Variants in DRD2 observed in about 807,000 individuals in gnomAD.
The protein encoded by DRD2 is dopamine receptor D2.
In DRD2, 8 loss-of-function variants were observed where a neutral mutation model predicts 38.0. That is an observed-to-expected ratio of 0.21 (90% confidence interval 0.12 to 0.38). The LOEUF is 0.38. Among genes scored for constraint, DRD2 ranks in the 10% least tolerant of loss-of-function variants. DRD2 has a pLI of 1.00. For missense variants in DRD2, 403 were observed against 607.7 expected, an observed-to-expected ratio of 0.66 and a Z score of 3.54; for synonymous variants, 230 against 238.6, an observed-to-expected ratio of 0.96 and a Z score of 0.33.
chr11:113,452,081 G>A (rs976708333), intron 1 of DRD2, among the ~76,000 whole-genome samples: 4 of 152,034 alleles, frequency 2.6e-5, no homozygotes, highest in Non-Finnish European at 5.9e-5. Flanking sequence ...AAGCCTGCAC[G>A]CTTCTTCTTT....
At chr11:113,418,176 G>A (rs1285389150) in intron 2 of DRD2, 40 bp from the exon 3 acceptor site, 3 of 1,546,904 alleles carry the variant, frequency 1.9e-6, no homozygotes, top group East Asian at 2.2e-5. Flanking sequence ...AGCAGGAGTG[G>A]GAGATTAGCT....
Position 113,414,415 on chromosome 11 carries a change from A to G in DRD2, c.770T>C (p.Met257Thr). 1 of 1,614,196 alleles carries G rather than the reference A, an allele frequency of 6.2e-7. No homozygotes were observed. Among genetic ancestry groups the G allele is most frequent in the Non-Finnish European group, 8.5e-7 (1 of 1,180,036 alleles). The change falls in exon 6 of 8, where the codon ATG (methionine) becomes ACG (threonine). Residue 257 changes from methionine to threonine, a missense_variant. Physicochemically the swap from Met to Thr is moderately conservative, Grantham distance 81. This residue lies in a region of DRD2 where 166 missense variants were observed against 178.6 expected (regional missense o/e 0.93). Transcript: ENST00000362072. Reference sequence around the variant, plus strand: ...CACTGGGAAACTCCCATTAGACTTCATGATAACGGTGCAGAGTTTCATGTC... The same window carrying G: ...CACTGGGAAACTCCCATTAGACTTCGTGATAACGGTGCAGAGTTTCATGTC... ...PEDMKLCTVI[M>T]KSNGSFPVNR...
intron 2 of DRD2, among the ~76,000 whole-genome samples, chr11:113,418,423 C>T (rs1437576433): frequency 6.6e-6 from 1 of 152,154 alleles, no homozygotes; most frequent in East Asian, 1.9e-4. Flanking sequence ...ATCTCTGCAA[C>T]CTTTGTTAAC....
chr11:113,458,338 T>C (rs1398101366), intron 1 of DRD2, among the ~76,000 whole-genome samples: 3 of 152,146 alleles, frequency 2.0e-5, no homozygotes, highest in Admixed American at 1.3e-4. Flanking sequence ...GCATATGTAA[T>C]CTCTGACCCA....
chr11:113,437,600 C>T (rs1002080241), intron 1 of DRD2, among the ~76,000 whole-genome samples: 1 of 152,146 alleles, frequency 6.6e-6, no homozygotes, highest in Non-Finnish European at 1.5e-5. Context: ...GTCTCCAGGA[C>T]ATGGGGCTAC....
rs201110531 is a variant in DRD2 at position 113,410,617 on chromosome 11, A to G, written c.*110T>C. On this transcript the variant is annotated 3_prime_UTR_variant, in exon 8 of 8. Transcript: ENST00000362072. ...GAACACTGCAGGGCCTGCCGGGGTG[A>G]AGAGGAGGCCGATCCACCCAGGCCT... 4 of 1,370,804 alleles carry G rather than the reference A, an allele frequency of 2.9e-6. No individual in the cohort carries two copies. The highest frequency in any genetic ancestry group is 4.2e-6 in the Non-Finnish European group (4 of 962,960). The allele number at this position is 1,370,804 out of a possible 1,614,324, so 84.9% of individuals were successfully genotyped here. A position where few individuals can be genotyped will look rare whatever the true frequency, so the allele number is the denominator to read the frequency against.
chr11:113,439,911 C>T (rs151152674), intron 1 of DRD2, among the ~76,000 whole-genome samples: 290 of 143,108 alleles, frequency 2.0e-3, no homozygotes, highest in Middle Eastern at 0.012. Flanking sequence ...ATGACTCACC[C>T]AGGTTCATAG....
chr11:113,430,380 GA>G (rs1950975175), intron 1 of DRD2, among the ~76,000 whole-genome samples: 2 of 152,102 alleles, frequency 1.3e-5, no homozygotes, highest in Admixed American at 1.3e-4. Context: ...CACTAGGAAA[GA>G]AAAAAATGCC....
intron 7 of DRD2, 72 bp from the exon 8 acceptor site, chr11:113,410,992 G>T: frequency 6.6e-7 from 1 of 1,525,278 alleles, no homozygotes; most frequent in Admixed American, 1.8e-5. Context: ...CACACCCAGT[G>T]CGCCCTGGCT....
chr11:113,473,469 A>C (rs1951448193), intron 1 of DRD2, among the ~76,000 whole-genome samples: 2 of 152,208 alleles, frequency 1.3e-5, no homozygotes, highest in Non-Finnish European at 2.9e-5. Context: ...TGCTGCCCGG[A>C]CTTCTACAAC....
chr11:113,457,048 A>T (rs1951274389), intron 1 of DRD2, among the ~76,000 whole-genome samples: 1 of 152,164 alleles, frequency 6.6e-6, no homozygotes, highest in South Asian at 2.1e-4. Flanking sequence ...CCACCACCAT[A>T]GGAGCCACCA....
intron 1 of DRD2, among the ~76,000 whole-genome samples, chr11:113,443,606 C>G (rs1951113185): frequency 6.6e-6 from 1 of 152,238 alleles, no homozygotes; most frequent in African/African-American, 2.4e-5. Context: ...TGTGCTCTAT[C>G]TGTCCTCCTA....
intron 1 of DRD2, among the ~76,000 whole-genome samples, chr11:113,428,425 C>G (rs769365095): frequency 7.9e-5 from 12 of 152,164 alleles, no homozygotes; most frequent in Non-Finnish European, 1.6e-4. Context: ...AGAGGCATCT[C>G]TCCTCAGCAG....
intron 4 of DRD2, 25 bp from the exon 5 acceptor site, chr11:113,415,636 G>T (rs1419071647): frequency 3.1e-6 from 5 of 1,598,220 alleles, no homozygotes; most frequent in Non-Finnish European, 4.3e-6. Context: ...GCCCGGGCAG[G>T]CAGGGAGTCA....
chr11:113,419,610 G>A (rs1030949403), intron 2 of DRD2, among the ~76,000 whole-genome samples: 1 of 152,008 alleles, frequency 6.6e-6, no homozygotes, highest in African/African-American at 2.4e-5. Context: ...AGTTCCCTGA[G>A]GATGGAGTCA....
chr11:113,434,067 T>C (rs1054846557), intron 1 of DRD2, among the ~76,000 whole-genome samples: 2 of 152,108 alleles, frequency 1.3e-5, no homozygotes, highest in African/African-American at 2.4e-5. Context: ...TTCAGGACTA[T>C]CTTTCCAGCC....
At chr11:113,412,472 C>T in intron 7 of DRD2, 84 bp downstream of exon 7, 1 of 1,534,558 alleles carries the variant, frequency 6.5e-7, no homozygotes, top group Admixed American at 1.7e-5. Context: ...GCCCCATGAT[C>T]CTGCAGCCAT....
intron 1 of DRD2, among the ~76,000 whole-genome samples, chr11:113,425,833 A>G (rs574832566): frequency 6.6e-6 from 1 of 152,304 alleles, no homozygotes; most frequent in South Asian, 2.1e-4. Flanking sequence ...ACAATATGAC[A>G]TGGTATCAAA....
intron 1 of DRD2, among the ~76,000 whole-genome samples, chr11:113,459,349 T>C (rs1195493544): frequency 6.6e-6 from 1 of 152,220 alleles, no homozygotes; most frequent in African/African-American, 2.4e-5. Context: ...CAGCTCTGGA[T>C]GGACAAAGGC....
Sources: allele counts gnomAD v4.1 joint callset (sites outside exome capture counted in the v4.1 genomes callset), GRCh38; gene constraint gnomAD v4.1.1; regional missense constraint gnomAD v4.1.1; transcripts MANE v1.5; gene names NCBI Gene and HGNC (gene_info 2026-07-23, HGNC 2026-07-21).